Variants in KLHL2 observed in about 807,000 individuals in gnomAD.
KLHL2 encodes the protein kelch-like protein 2.
KLHL2 carries 15 observed loss-of-function variants against 75.8 expected under a neutral mutation model. That is an observed-to-expected ratio of 0.20 (90% CI 0.13 to 0.30). KLHL2 has a LOEUF of 0.30. KLHL2 is among the 10% of genes least tolerant of loss of function. The probability of loss-of-function intolerance (pLI) is 1.00; values close to 1 mark genes in which losing one functional copy is unlikely to be tolerated. For synonymous variants in KLHL2, 214 were observed against 251.9 expected (o/e 0.85, Z 1.42); for missense variants, 381 against 741.0 (o/e 0.51, Z 5.64).
At chr4:165,222,626 CT>C (rs1336126677) in intron 2 of KLHL2, among the ~76,000 whole-genome samples, 2 of 152,038 alleles carry the variant, frequency 1.3e-5, no homozygotes, top group Non-Finnish European at 2.9e-5. Context: ...TTCATCAGAC[CT>C]TTTTAAAAAT....
chr4:165,264,721 CATATATATATATATATATGTATATATAT>C lies in KLHL2; in HGVS notation c.544+1380_544+1407del, dbSNP rs1256077684. ...GTGTGTGTGTATATATATATATATA[CATATATATATATATATATGTATATATAT>C]ATATATATATATATATAAAACATTA... On this transcript the variant is annotated intron_variant, in intron 5 of 14. Transcript: ENST00000226725. 2.5e-3 allele frequency among the ~76,000 whole-genome samples: 181 copies of C among 71,188 alleles called. 3 individuals carry two copies. Among genetic ancestry groups the C allele is most frequent in the Admixed American group, 4.3e-3 (21 of 4,854 alleles). 46.7% of individuals were successfully genotyped at this position (71,188 alleles called of 152,430 possible).
intron 5 of KLHL2, among the ~76,000 whole-genome samples, chr4:165,290,778 C>T (rs1327852412): frequency 6.6e-6 from 1 of 152,114 alleles, no homozygotes; most frequent in Admixed American, 6.5e-5. Context: ...ACCAGCCTAG[C>T]CAACATGGTG....
intron 5 of KLHL2, among the ~76,000 whole-genome samples, chr4:165,264,657 CAT>C (rs1465356888): frequency 8.9e-5 from 10 of 112,504 alleles, no homozygotes; most frequent in African/African-American, 1.3e-4. Context: ...CATGTATATA[CAT>C]ATATGTCTAC....
chr4:165,256,701 A>G (rs1342251786), intron 4 of KLHL2, among the ~76,000 whole-genome samples: 1 of 152,266 alleles, frequency 6.6e-6, no homozygotes, highest in Non-Finnish European at 1.5e-5. Context: ...GACCATTTAA[A>G]TGGTACATAG....
intron 6 of KLHL2, among the ~76,000 whole-genome samples, chr4:165,295,134 A>G (rs1385048936): frequency 6.6e-6 from 1 of 152,074 alleles, no homozygotes; most frequent in African/African-American, 2.4e-5. Flanking sequence ...CTTTTCGTAT[A>G]GTTGGAGAGA....
intron 11 of KLHL2, among the ~76,000 whole-genome samples, chr4:165,311,774 T>C (rs960938729): frequency 6.6e-6 from 1 of 150,620 alleles, no homozygotes; most frequent in African/African-American, 2.4e-5. Flanking sequence ...TCTCTCCCTC[T>C]CTATCCCCCT....
intron 8 of KLHL2, among the ~76,000 whole-genome samples, chr4:165,301,756 A>G (rs540274152): frequency 6.6e-6 from 1 of 152,334 alleles, no homozygotes; most frequent in African/African-American, 2.4e-5. Flanking sequence ...TATCTTTAAT[A>G]CTTTTTAAAT....
intron 5 of KLHL2, among the ~76,000 whole-genome samples, chr4:165,264,921 T>C (rs1329694861): frequency 6.6e-6 from 1 of 151,366 alleles, no homozygotes; most frequent in Non-Finnish European, 1.5e-5. Context: ...AATTGCTGGA[T>C]TGGATTTTAA....
At chr4:165,236,008 A>C (rs1169884834) in intron 3 of KLHL2, among the ~76,000 whole-genome samples, 2 of 151,890 alleles carry the variant, frequency 1.3e-5, no homozygotes, top group Non-Finnish European at 2.9e-5. Flanking sequence ...TCCGTGCCCA[A>C]ATTTGTGGAG....
At chr4:165,223,995 A>G (rs771795004) in intron 2 of KLHL2, 1 of 443,264 alleles carries the variant, frequency 2.3e-6, no homozygotes, top group South Asian at 1.6e-5. Context: ...GCTCACTGCA[A>G]CCTCCGACTC....
intron 5 of KLHL2, among the ~76,000 whole-genome samples, chr4:165,291,050 A>G (rs746576089): frequency 6.6e-6 from 1 of 152,188 alleles, no homozygotes; most frequent in Non-Finnish European, 1.5e-5. Flanking sequence ...TATCTCATTG[A>G]TGTTTTAATA....
At chr4:165,297,586 T>C in intron 6 of KLHL2, 23 bp from the exon 7 acceptor site, 1 of 1,385,006 alleles carries the variant, frequency 7.2e-7, no homozygotes. Flanking sequence ...TCTTATTTTT[T>C]CTTCTCCTAT....
intron 5 of KLHL2, among the ~76,000 whole-genome samples, chr4:165,271,873 G>C (rs1033703793): frequency 6.6e-6 from 1 of 152,148 alleles, no homozygotes; most frequent in Non-Finnish European, 1.5e-5. Context: ...AAATGCAGGA[G>C]CCTTTTGTCT....
intron 5 of KLHL2, among the ~76,000 whole-genome samples, chr4:165,276,291 G>A (rs1386341038): frequency 6.6e-6 from 1 of 152,196 alleles, no homozygotes; most frequent in Non-Finnish European, 1.5e-5. Context: ...TCCAGCTTCT[G>A]TCCTTTCCAC....
chr4:165,244,044 T>A (rs1325260362), intron 4 of KLHL2, among the ~76,000 whole-genome samples: 5 of 146,744 alleles, frequency 3.4e-5, no homozygotes, highest in South Asian at 4.2e-4. Flanking sequence ...ATGCACCAAC[T>A]ATAATTTCCA....
intron 4 of KLHL2, among the ~76,000 whole-genome samples, chr4:165,254,343 T>A (rs1443066952): frequency 6.6e-6 from 1 of 152,234 alleles, no homozygotes; most frequent in Non-Finnish European, 1.5e-5. Flanking sequence ...ATATTTTACT[T>A]AATTGTTGCC....
At chr4:165,304,079 C>T (rs1011421977) in intron 8 of KLHL2, among the ~76,000 whole-genome samples, 1 of 151,786 alleles carries the variant, frequency 6.6e-6, no homozygotes, top group African/African-American at 2.4e-5. Flanking sequence ...AGAAAGGGGA[C>T]TTGCTGTTAA....
intron 5 of KLHL2, among the ~76,000 whole-genome samples, chr4:165,270,214 A>G (rs2126333299): frequency 6.6e-6 from 1 of 152,226 alleles, no homozygotes; most frequent in East Asian, 1.9e-4. Context: ...CTAGTTAGCC[A>G]TTCGTCTAAC....
intron 5 of KLHL2, among the ~76,000 whole-genome samples, chr4:165,289,103 A>G (rs983278006): frequency 6.6e-6 from 1 of 152,158 alleles, no homozygotes; most frequent in Admixed American, 6.6e-5. Flanking sequence ...CTGACTGTGT[A>G]AAGTGTTGGG....
Sources: gnomAD v4.1 joint callset for allele counts (sites outside exome capture counted in the v4.1 genomes callset) on GRCh38, gnomAD v4.1.1 for gene constraint, MANE v1.5 for transcripts, NCBI Gene and HGNC (gene_info 2026-07-23, HGNC 2026-07-21) for gene names.